CHLSN: variants seen among roughly 807,000 people sequenced by gnomAD.
CHLSN encodes cholesin, also known as protein cholesin.
the CHLSN span, among the ~76,000 whole-genome samples, chr7:1,108,749 G>A: frequency 6.6e-6 from 1 of 152,136 alleles, no homozygotes; most frequent in African/African-American, 2.4e-5. Context: ...TGACACACAC[G>A]CCCCTACCGT....
chr7:1,083,690 C>T, the CHLSN span, among the ~76,000 whole-genome samples: 1 of 152,016 alleles, frequency 6.6e-6, no homozygotes, highest in Non-Finnish European at 1.5e-5. Context: ...GACGGGAGCA[C>T]CTGAGCTTCC....
At chr7:1,002,410 C>T in the CHLSN span, among the ~76,000 whole-genome samples, 4 of 64,156 alleles carry the variant, frequency 6.2e-5, no homozygotes, top group African/African-American at 6.5e-5. Context: ...TGGAGTCCTG[C>T]CGGTGGGGAG....
At chr7:1,000,733 C>A in the CHLSN span, among the ~76,000 whole-genome samples, 2 of 152,190 alleles carry the variant, frequency 1.3e-5, no homozygotes, top group African/African-American at 2.4e-5. Context: ...GGAGCCGCAA[C>A]CCCACGCCCT....
the CHLSN span, among the ~76,000 whole-genome samples, chr7:1,039,014 T>G: frequency 4.4e-4 from 18 of 40,760 alleles, no homozygotes; most frequent in Admixed American, 1.1e-3. Context: ...GAGGTGGGGG[T>G]GTCGGCCCCC....
chr7:1,098,703 C>A, the CHLSN span, among the ~76,000 whole-genome samples: 2 of 152,122 alleles, frequency 1.3e-5, no homozygotes, highest in South Asian at 4.2e-4. Context: ...AGTGGAGCTG[C>A]CACGCTTGGT....
At chr7:1,114,237 G>A in the CHLSN span, among the ~76,000 whole-genome samples, 1 of 152,196 alleles carries the variant, frequency 6.6e-6, no homozygotes, top group African/African-American at 2.4e-5. Flanking sequence ...TGCAACCACT[G>A]GGCCTCTTCC....
At chr7:1,098,020 G>C in the CHLSN span, among the ~76,000 whole-genome samples, 1 of 152,332 alleles carries the variant, frequency 6.6e-6, no homozygotes, top group South Asian at 2.1e-4. Flanking sequence ...AGAAGGAAAA[G>C]AGCGTCGTGA....
At chr7:1,033,546 C>T in the CHLSN span, among the ~76,000 whole-genome samples, 17 of 150,408 alleles carry the variant, frequency 1.1e-4, no homozygotes, top group African/African-American at 2.9e-4. Flanking sequence ...GCAATAAGTG[C>T]GAAACTCCGT....
the CHLSN span, among the ~76,000 whole-genome samples, chr7:1,073,117 C>T: frequency 6.6e-6 from 1 of 152,132 alleles, no homozygotes; most frequent in Non-Finnish European, 1.5e-5. Context: ...CTAGGCCCAC[C>T]GACCAAAACC....
At chr7:1,112,705 TAAAA>T in the CHLSN span, among the ~76,000 whole-genome samples, 1 of 99,116 alleles carries the variant, frequency 1.0e-5, no homozygotes, top group Non-Finnish European at 2.3e-5. Context: ...TCCAAATGGC[TAAAA>T]AAAAAAAAAA....
At chr7:999,982 C>T in the CHLSN span, among the ~76,000 whole-genome samples, 1 of 152,234 alleles carries the variant, frequency 6.6e-6, no homozygotes, top group African/African-American at 2.4e-5. Context: ...ACACACATCA[C>T]GCGCACACAC....
chr7:1,136,601 TATAA>T, the CHLSN span, among the ~76,000 whole-genome samples: 12 of 139,480 alleles, frequency 8.6e-5, 1 homozygote, highest in Admixed American at 3.6e-4. Context: ...TATAAACATA[TATAA>T]ATATATATAA....
chr7:1,104,072 G>A, the CHLSN span, among the ~76,000 whole-genome samples: 1 of 152,200 alleles, frequency 6.6e-6, no homozygotes, highest in Admixed American at 6.5e-5. Flanking sequence ...GCACCCACAG[G>A]TTTCGCCCCA....
the CHLSN span, chr7:983,480 T>G: frequency 8.1e-7 from 1 of 1,240,852 alleles, no homozygotes; most frequent in Non-Finnish European, 1.1e-6. Flanking sequence ...CCACTGCCTG[T>G]TCCCACATGG....
chr7:1,036,416 TGCTCGTGGTGTGGCCGTGTAGGGTTC>T, the CHLSN span, among the ~76,000 whole-genome samples: 3 of 143,622 alleles, frequency 2.1e-5, no homozygotes, highest in South Asian at 6.8e-4. Context: ...AGGGCTCGGG[TGCTCGTGGTGTGGCCGTGTAGGGTTC>T]GGGTGCTCGT....
chr7:988,779 T>G, the CHLSN span: 2 of 1,596,958 alleles, frequency 1.3e-6, no homozygotes, highest in Non-Finnish European at 1.7e-6. Flanking sequence ...GCTTTTACCA[T>G]GAGGCCGAGG....
chr7:1,058,131 G>A, the CHLSN span: 9 of 752,414 alleles, frequency 1.2e-5, no homozygotes, highest in East Asian at 2.5e-5. Context: ...CACCCTCTAC[G>A]CGCTGGTGCT....
chr7:1,119,322 C>T, the CHLSN span, among the ~76,000 whole-genome samples: 1 of 152,210 alleles, frequency 6.6e-6, no homozygotes, highest in Non-Finnish European at 1.5e-5. Flanking sequence ...CAGGGGCTCA[C>T]ACCTGTATTC....
chr7:1,113,794 C>G, the CHLSN span, among the ~76,000 whole-genome samples: 1 of 152,296 alleles, frequency 6.6e-6, no homozygotes, highest in South Asian at 2.1e-4. Flanking sequence ...GCTCTGACTG[C>G]CAGGCAAGGA....
Sources: gnomAD v4.1 joint callset for allele counts (sites outside exome capture counted in the v4.1 genomes callset) on GRCh38, gnomAD v4.1.1 for gene constraint, MANE v1.5 for transcripts, NCBI Gene and HGNC (gene_info 2026-07-23, HGNC 2026-07-21) for gene names.